The following MYT1L variants were observed in gnomAD, a reference collection of about 807,000 sequenced individuals.
The protein encoded by MYT1L is myelin transcription factor 1 like.
MYT1L carries 12 observed loss-of-function variants against 126.7 expected under a neutral mutation model. The observed-to-expected ratio is 0.09, with a 90% CI of 0.06 to 0.15. The LOEUF (loss-of-function observed/expected upper bound fraction) is 0.15, where lower values mean the gene tolerates loss of function less well. Ranked by LOEUF, MYT1L falls within the 10% of genes least tolerant of loss-of-function variation. MYT1L has a pLI of 1.00. For missense variants in MYT1L, 979 were observed against 1,585.2 expected, an observed-to-expected ratio of 0.62 and a Z score of 6.49; for synonymous variants, 541 against 604.2, an observed-to-expected ratio of 0.90 and a Z score of 1.53.
chr2:1,999,354 C>T (rs2149631884), intron 4 of MYT1L, among the ~76,000 whole-genome samples: 1 of 152,256 alleles, frequency 6.6e-6, no homozygotes, highest in Non-Finnish European at 1.5e-5. Flanking sequence ...GAGTCTCTGG[C>T]ACTCTGCTAG....
At chr2:1,850,443 T>G (rs1558753930) in intron 19 of MYT1L, among the ~76,000 whole-genome samples, 1 of 152,138 alleles carries the variant, frequency 6.6e-6, no homozygotes, top group Admixed American at 6.5e-5. Flanking sequence ...AAATCGGTCT[T>G]ATTTCAGAAA....
intron 2 of MYT1L, among the ~76,000 whole-genome samples, chr2:2,205,553 C>G (rs1271395108): frequency 1.3e-5 from 2 of 152,162 alleles, no homozygotes; most frequent in Non-Finnish European, 2.9e-5. Flanking sequence ...ATACTCATTC[C>G]TAGATTCCCA....
chr2:2,246,565 G>A (rs915753358), intron 2 of MYT1L, among the ~76,000 whole-genome samples: 27 of 152,310 alleles, frequency 1.8e-4, no homozygotes, highest in African/African-American at 6.3e-4. Context: ...CCTTCAGACA[G>A]CTCTGGTGTT....
At chr2:2,000,856 C>T (rs2062297384) in intron 4 of MYT1L, among the ~76,000 whole-genome samples, 1 of 152,166 alleles carries the variant, frequency 6.6e-6, no homozygotes, top group Non-Finnish European at 1.5e-5. Context: ...CTATTTTATT[C>T]TATGCTATGC....
In MYT1L at chr2:2,106,157, C is replaced by T. The variant is rs149209985; in HGVS notation, c.-303-52034G>A. ...GGATCGGACGACCAGAAGCCCCGAG[C>T]AAAGACAGGGCGAGCTTCCTTTGGA... On this transcript the variant is annotated intron_variant, in intron 3 of 24. Transcript: ENST00000647738. Among the ~76,000 whole-genome samples, 3 of 152,256 alleles carry T rather than the reference C, an allele frequency of 2.0e-5. No homozygotes were observed. The East Asian group carries it at 5.8e-4, about 29-fold the overall frequency.
intron 8 of MYT1L, among the ~76,000 whole-genome samples, chr2:1,965,583 G>T (rs2059287172): frequency 6.6e-6 from 1 of 152,362 alleles, no homozygotes; most frequent in African/African-American, 2.4e-5. Flanking sequence ...AGACAGAGGG[G>T]TCCCATCGCC....
At chr2:1,934,769 C>CACACACACAG (rs1491367887) in intron 9 of MYT1L, among the ~76,000 whole-genome samples, 2 of 147,364 alleles carry the variant, frequency 1.4e-5, no homozygotes, top group African/African-American at 5.0e-5. Context: ...CACACACACA[C>CACACACACAG]AGGCACAGGT....
At chr2:2,031,169 G>A (rs72629194) in intron 4 of MYT1L, among the ~76,000 whole-genome samples, 17,839 of 152,212 alleles carry the variant, frequency 0.12, 1,136 homozygotes, top group East Asian at 0.31. Context: ...TGGGATTCAG[G>A]GCACCTTGGA....
chr2:2,146,593 T>G (rs1460204700), intron 3 of MYT1L, among the ~76,000 whole-genome samples: 2 of 152,230 alleles, frequency 1.3e-5, no homozygotes, highest in African/African-American at 4.8e-5. Context: ...AATGCCAAGC[T>G]GCTGTCCCCT....
chr2:2,010,485 A>C (rs1006598375), intron 4 of MYT1L, among the ~76,000 whole-genome samples: 6 of 152,064 alleles, frequency 3.9e-5, no homozygotes, highest in African/African-American at 1.4e-4. Flanking sequence ...CTAGGAAGAA[A>C]GGCACATGGG....
Position 2,059,372 on chromosome 2 carries a change from C to T in MYT1L, c.-303-5249G>A, listed in dbSNP as rs138736850. On this transcript the variant is annotated intron_variant, in intron 3 of 24. Transcript: ENST00000647738. The surrounding 1 kb of genome is among the most constrained non-coding windows in gnomAD (Gnocchi z 4.7). ...GCAGGGCACCGCAGTAAGCACCCGA[C>T]GGTCTCGTGGCACCATAGTAAGCAC... Among the ~76,000 whole-genome samples, 215 of 152,308 alleles carry T rather than the reference C, an allele frequency of 1.4e-3. 1 individual carries two copies. Among genetic ancestry groups the T allele is most frequent in the African/African-American group, 4.0e-3 (165 of 41,562 alleles).
intron 2 of MYT1L, among the ~76,000 whole-genome samples, chr2:2,231,827 T>C (rs929624871): frequency 2.0e-5 from 3 of 152,178 alleles, no homozygotes; most frequent in Admixed American, 6.5e-5. Context: ...ATTTCCACGA[T>C]AACTCCTCCC....
intron 18 of MYT1L, among the ~76,000 whole-genome samples, chr2:1,858,268 T>G (rs1179281210): frequency 6.6e-6 from 1 of 152,178 alleles, no homozygotes; most frequent in African/African-American, 2.4e-5. Context: ...AGAAAAAGGC[T>G]CGATACCCAT....
chr2:2,006,598 C>T (rs1325223131), intron 4 of MYT1L, among the ~76,000 whole-genome samples: 1 of 151,950 alleles, frequency 6.6e-6, no homozygotes, highest in African/African-American at 2.4e-5. Context: ...TTTTTTGAGA[C>T]AGGGTCTCAC....
At chr2:2,191,612 A>G (rs1310876129) in intron 2 of MYT1L, among the ~76,000 whole-genome samples, 2 of 152,180 alleles carry the variant, frequency 1.3e-5, no homozygotes, top group Non-Finnish European at 2.9e-5. Flanking sequence ...GTGCATGTGG[A>G]CAGTTGGGTC....
chr2:1,935,304 T>C (rs2055713448), intron 9 of MYT1L, among the ~76,000 whole-genome samples: 1 of 152,108 alleles, frequency 6.6e-6, no homozygotes. Context: ...TGCAACCCAG[T>C]GCCCTTCTGG....
intron 5 of MYT1L, among the ~76,000 whole-genome samples, chr2:1,980,353 A>T (rs2060514465): frequency 6.7e-6 from 1 of 149,422 alleles, no homozygotes. Flanking sequence ...TAATATTTAG[A>T]TTCTCCTTGT....
chr2:1,840,029 C>A (rs979874911), intron 20 of MYT1L, among the ~76,000 whole-genome samples: 1 of 152,232 alleles, frequency 6.6e-6, no homozygotes, highest in Non-Finnish European at 1.5e-5. Flanking sequence ...CTGGCCTAAG[C>A]GCTCCTCATG....
intron 4 of MYT1L, among the ~76,000 whole-genome samples, chr2:2,042,771 G>T (rs537763511): frequency 6.6e-6 from 1 of 152,230 alleles, no homozygotes; most frequent in South Asian, 2.1e-4. Flanking sequence ...TCTGCCCTTC[G>T]TCTCTAAGCC....
Sources: gnomAD v4.1 joint callset for allele counts (sites outside exome capture counted in the v4.1 genomes callset) on GRCh38, gnomAD v4.1.1 for gene constraint, Gnocchi (gnomAD v3.1) non-coding constraint, MANE v1.5 for transcripts, NCBI Gene and HGNC (gene_info 2026-07-23, HGNC 2026-07-21) for gene names.